SHROOM3: variants seen among roughly 807,000 people sequenced by gnomAD.
SHROOM3 encodes the protein shroom family member 3, also known as protein Shroom3.
Under a neutral mutation model 138.6 loss-of-function variants are expected in SHROOM3, and 47 were observed. The ratio of observed to expected loss-of-function variants is 0.34; its 90% CI spans 0.27 to 0.43. The LOEUF (loss-of-function observed/expected upper bound fraction) is 0.43. Ranked by LOEUF, SHROOM3 falls within the 20% of genes least tolerant of loss-of-function variation. The pLI is 1.00. For missense variants in SHROOM3, 2,491 were observed against 2,596.5 expected (o/e 0.96, Z 0.88); for synonymous variants, 1,062 against 1,063.3 (o/e 1.00, Z 0.02).
chr4:76,652,207 A>G (rs1337724129), intron 2 of SHROOM3, among the ~76,000 whole-genome samples: 2 of 152,220 alleles, frequency 1.3e-5, no homozygotes, highest in African/African-American at 4.8e-5. Context: ...AGCTAGATAA[A>G]GAAAAAGGAG....
chr4:76,512,668 A>G (rs1732362421), intron 1 of SHROOM3, among the ~76,000 whole-genome samples: 1 of 152,188 alleles, frequency 6.6e-6, no homozygotes, highest in African/African-American at 2.4e-5. Context: ...AAGGGGAAAG[A>G]AAACCTAACC....
intron 2 of SHROOM3, among the ~76,000 whole-genome samples, chr4:76,653,057 C>T (rs147632971): frequency 3.4e-4 from 51 of 152,156 alleles, no homozygotes; most frequent in Middle Eastern, 3.4e-3. Flanking sequence ...AAAGCTAGAA[C>T]TGATCTCCCT....
Position 76,525,104 on chromosome 4 carries a change from T to TA in SHROOM3, c.169-30504dup, listed in dbSNP as rs545051857. 2.2e-3 allele frequency among the ~76,000 whole-genome samples: 329 copies of TA among 152,330 alleles called. 1 individual carries two copies. The highest frequency in any genetic ancestry group is 7.6e-3 in the African/African-American group (317 of 41,576). ...TCTTGCTAGCATTTGGTATTTGTATTAGTCTGTTCTTATGCTGCTCTAAAG... is the reference window on the plus strand; with the variant it reads ...TCTTGCTAGCATTTGGTATTTGTATTAAGTCTGTTCTTATGCTGCTCTAAAG... On this transcript the variant is annotated intron_variant, in intron 1 of 10. Transcript: ENST00000296043.
intron 10 of SHROOM3, among the ~76,000 whole-genome samples, chr4:76,776,950 C>T (rs1722589492): frequency 1.3e-5 from 2 of 152,076 alleles, no homozygotes; most frequent in Non-Finnish European, 2.9e-5. Flanking sequence ...TGTTCCATTG[C>T]TCTATATGCC....
At chr4:76,495,860 G>T (rs1301268720) in intron 1 of SHROOM3, among the ~76,000 whole-genome samples, 1 of 152,184 alleles carries the variant, frequency 6.6e-6, no homozygotes, top group Non-Finnish European at 1.5e-5. Context: ...CAGCAGCCTG[G>T]GGTATAAAAA....
intron 2 of SHROOM3, among the ~76,000 whole-genome samples, chr4:76,591,580 G>A (rs1162999367): frequency 2.7e-5 from 4 of 149,734 alleles, no homozygotes; most frequent in South Asian, 4.4e-4. Context: ...GATTGGTAGT[G>A]TGTATTGCTA....
intron 2 of SHROOM3, among the ~76,000 whole-genome samples, chr4:76,678,177 G>A (rs79056185): frequency 0.013 from 2,053 of 152,296 alleles, 37 homozygotes; most frequent in African/African-American, 0.047. Flanking sequence ...AAGGAGGCCA[G>A]CACTTCAAGT....
chr4:76,749,089 A>G lies in SHROOM3; in HGVS notation c.3826A>G (p.Arg1276Gly), dbSNP rs1159965196. Residue 1276 changes from arginine to glycine, a missense_variant and splice_region_variant, in exon 6 of 11, where the codon AGG (arginine) becomes GGG (glycine). By Grantham distance (125) the Arg-to-Gly change is moderately radical. Coordinates refer to ENST00000296043, the MANE Select transcript of SHROOM3 (RefSeq NM_020859.4). ...ATGTTATTTGGCTGGTCCTGGATCT[A>G]GGTATGTACATGTACTTATGATGCT... ...DPCYLAGPGSRSLSCSERGQE... is the reference protein window; with the variant it reads ...DPCYLAGPGSGSLSCSERGQE... The G allele has an allele frequency of 4.3e-6, 7 of 1,613,580 alleles. No individual in the cohort carries two copies. The highest frequency in any genetic ancestry group is 2.2e-5 in the East Asian group (1 of 44,868).
intron 3 of SHROOM3, among the ~76,000 whole-genome samples, chr4:76,728,465 T>G (rs918595879): frequency 6.6e-6 from 1 of 152,194 alleles, no homozygotes; most frequent in Non-Finnish European, 1.5e-5. Context: ...TCTGCCATGA[T>G]TGTGAGGCCT....
intron 2 of SHROOM3, among the ~76,000 whole-genome samples, chr4:76,567,972 C>T (rs1733763534): frequency 6.6e-6 from 1 of 151,952 alleles, no homozygotes; most frequent in Admixed American, 6.5e-5. Flanking sequence ...CAGGTATTTG[C>T]TCAAATGTCA....
At chr4:76,636,406 A>T (rs1414379934) in intron 2 of SHROOM3, among the ~76,000 whole-genome samples, 1 of 152,190 alleles carries the variant, frequency 6.6e-6, no homozygotes, top group Non-Finnish European at 1.5e-5. Flanking sequence ...CTTTCACATA[A>T]AGTATAGCTA....
In SHROOM3 at chr4:76,738,501, G is replaced by A. The variant is rs548788981; in HGVS notation, c.588-260G>A. ...AGTGCTGCCTGTGCCCAAAGGCCAC[G>A]TGGCTTCCTCTGAGCTCCTCATTCC... is the stretch of plus-strand genomic sequence containing the variant. On this transcript the variant is annotated intron_variant, in intron 4 of 10. Coordinates refer to ENST00000296043, the MANE Select transcript of SHROOM3 (RefSeq NM_020859.4). Among the ~76,000 whole-genome samples the A allele has an allele frequency of 1.2e-4, 19 of 152,280 alleles. 1 individual carries two copies. The East Asian group carries it at 2.7e-3, about 22-fold the overall frequency.
chr4:76,609,886 T>C (rs924922965), intron 2 of SHROOM3, among the ~76,000 whole-genome samples: 3 of 152,224 alleles, frequency 2.0e-5, no homozygotes, highest in Non-Finnish European at 4.4e-5. Context: ...TGTGAACATC[T>C]TATTAGGCTC....
rs776728183 is a variant in SHROOM3 at position 76,739,318 on chromosome 4, C to T, written c.1145C>T (p.Ala382Val). The part of the protein sequence containing the change: ...ATDNLPPKVG[A>V]PLPPARSDSY... ...GACAACCTTCCTCCTAAGGTGGGTG[C>T]ACCCCTGCCTCCAGCTCGGAGTGAC... Residue 382 changes from alanine (A) to valine (V), a missense_variant, in exon 5 of 11, where the codon GCA becomes GTA. Physicochemically the swap from Ala to Val is moderately conservative, Grantham distance 64 (BLOSUM62 0). Around this residue, in one of 4 missense-constraint regions of SHROOM3, gnomAD observed 1,733 missense variants for 1,661.6 expected, o/e 1.04. Transcript: ENST00000296043. The T allele has an allele frequency of 6.2e-7, 1 of 1,613,856 alleles. No homozygotes were observed. Among genetic ancestry groups the T allele is most frequent in the South Asian group, 1.1e-5 (1 of 91,052 alleles).
chr4:76,756,424 T>C (rs1721816858), intron 7 of SHROOM3, 25 bp from the exon 8 acceptor site: 1 of 1,558,888 alleles, frequency 6.4e-7, no homozygotes. Flanking sequence ...TCTCTTTTTT[T>C]TTTTTTTTTA....
intron 1 of SHROOM3, among the ~76,000 whole-genome samples, chr4:76,521,201 A>G (rs1732556646): frequency 6.6e-6 from 1 of 152,186 alleles, no homozygotes; most frequent in African/African-American, 2.4e-5. Flanking sequence ...GTGATTAAAT[A>G]TGGTGGACAG....
intron 9 of SHROOM3, among the ~76,000 whole-genome samples, chr4:76,767,548 G>A (rs1461314085): frequency 6.6e-6 from 1 of 152,078 alleles, no homozygotes; most frequent in Non-Finnish European, 1.5e-5. Flanking sequence ...GTGGTGGCGG[G>A]TGCCAGTAAT....
intron 2 of SHROOM3, chr4:76,575,686 T>C (rs756346765): frequency 3.3e-5 from 5 of 152,128 alleles, no homozygotes; most frequent in Non-Finnish European, 7.4e-5. Context: ...CCATTTACAA[T>C]AGCCACAAAT....
intron 9 of SHROOM3, among the ~76,000 whole-genome samples, chr4:76,769,130 T>C (rs1722262052): frequency 6.6e-6 from 1 of 151,468 alleles, no homozygotes; most frequent in Admixed American, 6.6e-5. Context: ...GTTTTTTTTT[T>C]CCTTTAAAAT....
Sources: allele counts gnomAD v4.1 joint callset (sites outside exome capture counted in the v4.1 genomes callset), GRCh38; gene constraint gnomAD v4.1.1; regional missense constraint gnomAD v4.1.1; transcripts MANE v1.5; gene names NCBI Gene and HGNC (gene_info 2026-07-23, HGNC 2026-07-21).